RAB27B: variants seen among roughly 807,000 people sequenced by gnomAD.
RAB27B encodes RAB27B, member RAS oncogene family, also known as ras-related protein Rab-27B.
A neutral mutation model predicts 24.6 loss-of-function variants in RAB27B; 15 were observed. That is an observed-to-expected ratio of 0.61 (90% CI 0.41 to 0.94). The LOEUF is 0.94. Among genes scored for constraint, RAB27B ranks in the 40% least tolerant of loss-of-function variants. RAB27B has a pLI of 0.00. For synonymous variants in RAB27B, 105 were observed against 92.5 expected (o/e 1.14, Z -0.78); for missense variants, 261 against 266.8 (o/e 0.98, Z 0.15).
chr18:54,810,456 G>C (rs1265621063), intron 2 of RAB27B, among the ~76,000 whole-genome samples: 1 of 152,090 alleles, frequency 6.6e-6, no homozygotes. Context: ...ACTTGTCTGA[G>C]TTAATATAGT....
intron 1 of RAB27B, among the ~76,000 whole-genome samples, chr18:54,830,014 C>A (rs866320313): frequency 1.3e-5 from 2 of 152,008 alleles, no homozygotes; most frequent in African/African-American, 2.4e-5. Flanking sequence ...TCATTGCTTT[C>A]GAAAGGAAAA....
intron 2 of RAB27B, among the ~76,000 whole-genome samples, chr18:54,749,611 A>G (rs1907765375): frequency 1.3e-5 from 2 of 152,148 alleles, no homozygotes; most frequent in South Asian, 4.1e-4. Context: ...TTTCACTTCC[A>G]CCTACAAAGA....
intron 5 of RAB27B, among the ~76,000 whole-genome samples, chr18:54,888,556 T>TGTGG (rs1284266667): frequency 6.6e-6 from 1 of 151,824 alleles, no homozygotes; most frequent in Admixed American, 6.6e-5. Flanking sequence ...CTCCAAGAAA[T>TGTGG]AATCCCTGAC....
intron 1 of RAB27B, among the ~76,000 whole-genome samples, chr18:54,871,025 C>G (rs1912442693): frequency 6.6e-6 from 1 of 152,150 alleles, no homozygotes; most frequent in African/African-American, 2.4e-5. Flanking sequence ...TGCAACTAAA[C>G]TAAGCCAAAG....
At chr18:54,881,085 G>A (rs950338058) in intron 3 of RAB27B, among the ~76,000 whole-genome samples, 1 of 152,134 alleles carries the variant, frequency 6.6e-6, no homozygotes, top group African/African-American at 2.4e-5. Flanking sequence ...TTCCCAGTGA[G>A]GGGGAGGAGT....
chr18:54,762,552 A>G (rs1908225643), intron 2 of RAB27B, among the ~76,000 whole-genome samples: 1 of 152,172 alleles, frequency 6.6e-6, no homozygotes, highest in African/African-American at 2.4e-5. Flanking sequence ...AAGTTAGGCA[A>G]TCCAAAGCAC....
intron 1 of RAB27B, among the ~76,000 whole-genome samples, chr18:54,834,830 C>T (rs1479993037): frequency 6.6e-6 from 1 of 150,728 alleles, no homozygotes; most frequent in Non-Finnish European, 1.5e-5. Context: ...CGTTCTAGCA[C>T]ATAAATTTAT....
intron 2 of RAB27B, among the ~76,000 whole-genome samples, chr18:54,795,552 A>T (rs1420917493): frequency 6.6e-6 from 1 of 152,236 alleles, no homozygotes; most frequent in Non-Finnish European, 1.5e-5. Flanking sequence ...GAGAATGGTT[A>T]GGAAGCAATC....
At chr18:54,872,400 C>T (rs962866168) in intron 1 of RAB27B, among the ~76,000 whole-genome samples, 2 of 151,756 alleles carry the variant, frequency 1.3e-5, no homozygotes, top group African/African-American at 2.4e-5. Flanking sequence ...CCGAGGCGGG[C>T]GGATCACCTG....
intron 2 of RAB27B, among the ~76,000 whole-genome samples, chr18:54,809,896 TTTGAA>T (rs1909908784): frequency 6.6e-6 from 1 of 152,218 alleles, no homozygotes; most frequent in Non-Finnish European, 1.5e-5. Context: ...CTAATGATAT[TTTGAA>T]TTGTGCTGAC....
intron 2 of RAB27B, among the ~76,000 whole-genome samples, chr18:54,813,002 A>G (rs764229036): frequency 2.0e-5 from 3 of 152,208 alleles, no homozygotes; most frequent in Non-Finnish European, 4.4e-5. Flanking sequence ...CTTAGTTGAC[A>G]TAATTCAGAG....
intron 2 of RAB27B, among the ~76,000 whole-genome samples, chr18:54,725,858 A>G (rs1438760154): frequency 6.6e-6 from 1 of 151,618 alleles, no homozygotes; most frequent in Non-Finnish European, 1.5e-5. Flanking sequence ...AAATCATGTC[A>G]TAGTCTATGC....
intron 2 of RAB27B, among the ~76,000 whole-genome samples, chr18:54,817,302 G>A (rs1004344331): frequency 5.3e-5 from 8 of 152,216 alleles, no homozygotes; most frequent in South Asian, 2.1e-4. Context: ...AATTTATCAC[G>A]TATCTTTGGC....
chr18:54,771,551 G>A (rs1908549118), intron 2 of RAB27B, among the ~76,000 whole-genome samples: 2 of 151,318 alleles, frequency 1.3e-5, no homozygotes. Flanking sequence ...ATCAAAGTTG[G>A]AAGTACAAAA....
At chr18:54,811,656 C>A (rs934395928) in intron 2 of RAB27B, among the ~76,000 whole-genome samples, 1 of 152,136 alleles carries the variant, frequency 6.6e-6, no homozygotes, top group African/African-American at 2.4e-5. Flanking sequence ...CTGTCCTACA[C>A]CTGTGAAGAT....
At position 54,891,064 on chromosome 18, in the gene RAB27B, T is replaced by C. The variant is rs573207386; in HGVS notation, c.*1651T>C. 6.6e-5 allele frequency: 10 copies of C among 151,636 alleles called. No homozygotes were observed. In the South Asian group the frequency reaches 2.1e-3, roughly 32 times the overall value. 9.4% of individuals were successfully genotyped at this position (151,636 alleles called of 1,614,324 possible). ...ATAGATTTTTTCCAATCAAACCTAC[T>C]TTTTCCATACTCTGTGCATATTTTT... is the stretch of plus-strand genomic sequence containing the variant. On this transcript the variant is annotated 3_prime_UTR_variant, in exon 6 of 6. Transcript: ENST00000262094.
At chr18:54,811,949 G>A (rs901072386) in intron 2 of RAB27B, among the ~76,000 whole-genome samples, 1 of 152,116 alleles carries the variant, frequency 6.6e-6, no homozygotes, top group East Asian at 1.9e-4. Flanking sequence ...CTTTTTTACA[G>A]TACCTGGTAT....
At chr18:54,787,194 T>C (rs1338175289) in intron 2 of RAB27B, among the ~76,000 whole-genome samples, 1 of 152,210 alleles carries the variant, frequency 6.6e-6, no homozygotes, top group Non-Finnish European at 1.5e-5. Flanking sequence ...TTTCTTGCCT[T>C]GTAGAGGTAC....
chr18:54,810,556 G>A (rs2145148110), intron 2 of RAB27B, among the ~76,000 whole-genome samples: 1 of 152,148 alleles, frequency 6.6e-6, no homozygotes, highest in South Asian at 2.1e-4. Context: ...CAGGCTGGGT[G>A]CCAAGGCTCA....
Sources: allele counts gnomAD v4.1 joint callset (sites outside exome capture counted in the v4.1 genomes callset), GRCh38; gene constraint gnomAD v4.1.1; transcripts MANE v1.5; gene names NCBI Gene and HGNC (gene_info 2026-07-23, HGNC 2026-07-21).